Variants in PTPRD observed in about 807,000 individuals in gnomAD.
PTPRD encodes protein tyrosine phosphatase receptor type D.
Under a neutral mutation model 214.5 loss-of-function variants are expected in PTPRD, and 34 were observed. That is an observed-to-expected ratio of 0.16 (90% confidence interval 0.12 to 0.21). The LOEUF is 0.21. Among genes scored for constraint, PTPRD ranks in the 10% least tolerant of loss-of-function variants. The probability of loss-of-function intolerance (pLI) is 1.00; values close to 1 mark genes in which losing one functional copy is unlikely to be tolerated. For synonymous variants in PTPRD, 1,128 were observed against 845.7 expected (o/e 1.33, Z -5.79); for missense variants, 2,545 against 2,398.7 (o/e 1.06, Z -1.27).
At chr9:9,392,034 G>T (rs4440683) in intron 9 of PTPRD, among the ~76,000 whole-genome samples, 4 of 151,882 alleles carry the variant, frequency 2.6e-5, no homozygotes, top group Non-Finnish European at 5.9e-5. Context: ...AGAGGTGGTG[G>T]AAAGTACCAA....
intron 7 of PTPRD, among the ~76,000 whole-genome samples, chr9:9,655,054 C>T (rs538343923): frequency 6.3e-4 from 96 of 151,798 alleles, no homozygotes; most frequent in African/African-American, 2.3e-3. Context: ...GAAATGTTTA[C>T]TTTAGGCCTT....
At chr9:9,402,366 C>A (rs184910349) in intron 8 of PTPRD, among the ~76,000 whole-genome samples, 60 of 152,234 alleles carry the variant, frequency 3.9e-4, no homozygotes, top group African/African-American at 1.4e-3. Context: ...TCCTAAAAAT[C>A]TGTCACAAAT....
chr9:10,296,907 T>A (rs597090), intron 3 of PTPRD, among the ~76,000 whole-genome samples: 1 of 151,704 alleles, frequency 6.6e-6, no homozygotes, highest in Admixed American at 6.6e-5. Flanking sequence ...TTCACTAGAT[T>A]TATTGATTTT....
intron 4 of PTPRD, among the ~76,000 whole-genome samples, chr9:10,025,709 T>G (rs2096910752): frequency 6.6e-6 from 1 of 152,106 alleles, no homozygotes; most frequent in African/African-American, 2.4e-5. Flanking sequence ...AATAAGAAAT[T>G]GGATGATATT....
At chr9:10,170,594 G>A (rs2099196275) in intron 3 of PTPRD, among the ~76,000 whole-genome samples, 1 of 152,080 alleles carries the variant, frequency 6.6e-6, no homozygotes, top group Non-Finnish European at 1.5e-5. Flanking sequence ...GGCTGAGGCA[G>A]GAGAATGATG....
chr9:10,028,250 G>GTGGAACT (rs1407546988), intron 4 of PTPRD, among the ~76,000 whole-genome samples: 1 of 152,200 alleles, frequency 6.6e-6, no homozygotes, highest in Non-Finnish European at 1.5e-5. Context: ...CCCCAGCCAT[G>GTGGAACT]TGGAACTGTA....
At chr9:9,223,452 A>G (rs949412607) in intron 9 of PTPRD, among the ~76,000 whole-genome samples, 1 of 152,044 alleles carries the variant, frequency 6.6e-6, no homozygotes, top group Non-Finnish European at 1.5e-5. Flanking sequence ...CACACAGATT[A>G]ATCTACCCCT....
intron 9 of PTPRD, among the ~76,000 whole-genome samples, chr9:9,348,705 A>G (rs779199630): frequency 6.6e-6 from 1 of 152,200 alleles, no homozygotes; most frequent in South Asian, 2.1e-4. Flanking sequence ...TGGCATCTTC[A>G]CCTACTCTCA....
chr9:10,580,537 C>A (rs752872338), intron 2 of PTPRD, among the ~76,000 whole-genome samples: 1 of 152,120 alleles, frequency 6.6e-6, no homozygotes, highest in East Asian at 1.9e-4. Flanking sequence ...TTATTTCAAT[C>A]ATTTTATTAT....
rs79025041 is a variant in PTPRD at position 8,574,452 on chromosome 9, T to G, written c.353-45673A>C. Among the ~76,000 whole-genome samples, 1,326 of 152,126 alleles carry G rather than the reference T, an allele frequency of 8.7e-3. 16 individuals are homozygous for G. The highest frequency in any genetic ancestry group is 0.025 in the African/African-American group (1,056 of 41,546). On this transcript the variant is annotated intron_variant, in intron 14 of 45. Transcript: ENST00000381196. Reference sequence around the variant, plus strand: ...ATTGGTCCAACACTTTAAAATAATGTATAATAAATTAAACACCAAAAGGCA... The same window carrying G: ...ATTGGTCCAACACTTTAAAATAATGGATAATAAATTAAACACCAAAAGGCA...
chr9:10,544,128 A>G (rs1455215438), intron 2 of PTPRD, among the ~76,000 whole-genome samples: 1 of 152,158 alleles, frequency 6.6e-6, no homozygotes, highest in Non-Finnish European at 1.5e-5. Flanking sequence ...CTACTTTATA[A>G]GTAGGCTCTT....
At chr9:8,366,385 A>G (rs1376712797) in intron 39 of PTPRD, among the ~76,000 whole-genome samples, 1 of 152,162 alleles carries the variant, frequency 6.6e-6, no homozygotes, top group Non-Finnish European at 1.5e-5. Flanking sequence ...CAATGTAGAG[A>G]AGAATTTTGG....
At chr9:9,029,403 C>A (rs150951754) in intron 10 of PTPRD, among the ~76,000 whole-genome samples, 151 of 151,830 alleles carry the variant, frequency 9.9e-4, no homozygotes, top group Admixed American at 2.2e-3. Flanking sequence ...ACTCAAGGCA[C>A]CACACATGAG....
intron 12 of PTPRD, among the ~76,000 whole-genome samples, chr9:8,648,416 T>G (rs574837501): frequency 3.3e-5 from 5 of 152,332 alleles, no homozygotes; most frequent in Non-Finnish European, 5.9e-5. Context: ...GACATAAATT[T>G]CAAGAAGATG....
At chr9:8,609,337 A>G (rs1267383589) in intron 14 of PTPRD, among the ~76,000 whole-genome samples, 1 of 152,168 alleles carries the variant, frequency 6.6e-6, no homozygotes, top group Non-Finnish European at 1.5e-5. Context: ...TAGGAAGGAT[A>G]TGGGATGTGA....
intron 10 of PTPRD, among the ~76,000 whole-genome samples, chr9:9,021,926 G>C (rs1429926837): frequency 1.3e-5 from 2 of 151,228 alleles, no homozygotes; most frequent in Middle Eastern, 3.4e-3. Flanking sequence ...CTTACAATGA[G>C]AACACGTGGA....
chr9:9,986,708 C>T (rs1455776393), intron 4 of PTPRD, among the ~76,000 whole-genome samples: 2 of 152,050 alleles, frequency 1.3e-5, no homozygotes, highest in African/African-American at 2.4e-5. Context: ...AACACATTTA[C>T]TTTTTAAAAT....
At chr9:9,155,731 C>T (rs1411766358) in intron 10 of PTPRD, among the ~76,000 whole-genome samples, 2 of 152,264 alleles carry the variant, frequency 1.3e-5, no homozygotes, top group East Asian at 1.9e-4. Flanking sequence ...CGACCTACAT[C>T]AAATGCCTGA....
At chr9:10,190,790 G>A (rs966483413) in intron 3 of PTPRD, among the ~76,000 whole-genome samples, 6 of 150,018 alleles carry the variant, frequency 4.0e-5, no homozygotes, top group African/African-American at 1.5e-4. Flanking sequence ...AACTCAAGAT[G>A]CAGTTGTACA....
Sources: gnomAD v4.1 joint callset for allele counts (sites outside exome capture counted in the v4.1 genomes callset) on GRCh38, gnomAD v4.1.1 for gene constraint, MANE v1.5 for transcripts, NCBI Gene and HGNC (gene_info 2026-07-23, HGNC 2026-07-21) for gene names.